Variants in PXN observed in about 807,000 individuals in gnomAD.
The protein encoded by PXN is paxillin, also known as testicular tissue protein Li 134.
Under a neutral mutation model 103.6 loss-of-function variants are expected in PXN, and 61 were observed. The observed-to-expected ratio is 0.59, with a 90% CI of 0.48 to 0.73. PXN has a LOEUF of 0.73. PXN is among the 30% of genes least tolerant of loss of function. The pLI, the probability that PXN is intolerant of heterozygous loss-of-function variation, is 0.00. For missense variants in PXN, 1,274 were observed against 1,460.3 expected (o/e 0.87, Z 2.08); for synonymous variants, 562 against 607.8 (o/e 0.92, Z 1.11).
At chr12:120,262,509 C>T (rs575791532) in intron 1 of PXN, among the ~76,000 whole-genome samples, 77 of 152,322 alleles carry the variant, frequency 5.1e-4, no homozygotes, top group African/African-American at 1.8e-3. Context: ...AATCCCAGCA[C>T]TACCACTAAA....
At chr12:120,226,273 A>G in intron 1 of PXN, 1 of 1,288,932 alleles carries the variant, frequency 7.8e-7, no homozygotes, top group Non-Finnish European at 1.0e-6. Context: ...TCCCCAGAGC[A>G]GGCAACGAAT....
In PXN at chr12:120,229,026, C is replaced by A. The variant is rs1258678219; in HGVS notation, c.14-4649G>T. On this transcript the variant is annotated intron_variant, in intron 1 of 14. Coordinates refer to ENST00000637617, the MANE Select transcript of PXN (RefSeq NM_001385981.1). This position sits in a 1 kb window ranked among gnomAD's most constrained non-coding sequence, Gnocchi z 4.0. ...AGGGTTAAGGTACAGACACCCTCAGCCCACTGCTCCGAGGAGGAGGGGACC... is the reference window on the plus strand; with the variant it reads ...AGGGTTAAGGTACAGACACCCTCAGACCACTGCTCCGAGGAGGAGGGGACC... 6.6e-6 allele frequency among the ~76,000 whole-genome samples: 1 copy of A among 152,126 alleles called. No individual in the cohort carries two copies. The highest frequency in any genetic ancestry group is 1.5e-5 in the Non-Finnish European group (1 of 68,000).
chr12:120,241,792 A>C (rs1034697403), intron 1 of PXN, among the ~76,000 whole-genome samples: 1 of 152,230 alleles, frequency 6.6e-6, no homozygotes, highest in African/African-American at 2.4e-5. Flanking sequence ...CTGGACTTAC[A>C]AGGGCAAGCC....
At position 120,220,536 on chromosome 12, in the gene PXN, C is replaced by T. The variant is rs1884805805; in HGVS notation, c.832-445G>A. On this transcript the variant is annotated intron_variant, in intron 6 of 14. Transcript: ENST00000637617. The surrounding 1 kb of genome is among the most constrained non-coding windows in gnomAD (Gnocchi z 6.1). ...CACCCCAAGTCCTCTACGTCTTCCA[C>T]ATCCTTGCTCCAGGGATCTGACTAA... 6.6e-6 allele frequency among the ~76,000 whole-genome samples: 1 copy of T among 152,228 alleles called. No homozygotes were observed. The highest frequency in any genetic ancestry group is 2.4e-5 in the African/African-American group (1 of 41,456).
intron 1 of PXN, among the ~76,000 whole-genome samples, chr12:120,258,364 CCTGT>C (rs1323847944): frequency 6.6e-6 from 1 of 152,086 alleles, no homozygotes; most frequent in Non-Finnish European, 1.5e-5. Context: ...TGTCTCTGGG[CCTGT>C]CTTTTTTCTG....
chr12:120,227,016 C>T (rs1158732972), intron 1 of PXN: 2 of 986,640 alleles, frequency 2.0e-6, no homozygotes, highest in Non-Finnish European at 2.4e-6. Context: ...ATAAGGTCTT[C>T]CTCCAAGGAG....
At position 120,214,800 on chromosome 12, in the gene PXN, G is replaced by A. The variant is rs1339904894; in HGVS notation, c.2748+25C>T. On this transcript the variant is annotated intron_variant, in intron 12 of 14. Transcript: ENST00000637617. The surrounding 1 kb of genome is among the most constrained non-coding windows in gnomAD (Gnocchi z 5.0). ...GTGAAGCTGGAATGAGCGGAAGCGG[G>A]CGCGGTGCCGGATGAGGAACTCACA... 6.2e-6 allele frequency: 10 copies of A among 1,612,658 alleles called. No homozygotes were observed. The highest frequency in any genetic ancestry group is 8.5e-6 in the Non-Finnish European group (10 of 1,179,006).
chr12:120,251,878 C>G (rs1205350608), intron 1 of PXN, among the ~76,000 whole-genome samples: 1 of 152,100 alleles, frequency 6.6e-6, no homozygotes, highest in East Asian at 1.9e-4. Context: ...GCCAAACCCT[C>G]CACCCCAGGA....
At chr12:120,240,754 T>G (rs1270825957) in intron 1 of PXN, among the ~76,000 whole-genome samples, 9 of 152,122 alleles carry the variant, frequency 5.9e-5, no homozygotes, top group Admixed American at 5.2e-4. Flanking sequence ...CCTTCTGAAG[T>G]CTCTGCCTCC....
chr12:120,226,794 C>CTTCTCAGGGCCTG, intron 1 of PXN: 1 of 1,029,238 alleles, frequency 9.7e-7, no homozygotes, highest in Non-Finnish European at 1.2e-6. Context: ...AATCGCTTAG[C>CTTCTCAGGGCCTG]TTCTCAGGGC....
At chr12:120,260,893 G>A (rs1410773574) in intron 1 of PXN, among the ~76,000 whole-genome samples, 1 of 152,142 alleles carries the variant, frequency 6.6e-6, no homozygotes, top group Non-Finnish European at 1.5e-5. Context: ...CTTGGGCCTG[G>A]GAGGCAGAGG....
rs1446354012 is a variant in PXN at position 120,265,692 on chromosome 12, T to A, written c.-63A>T. The A allele has an allele frequency of 6.9e-5, 93 of 1,352,354 alleles. No homozygotes were observed. Among genetic ancestry groups the A allele is most frequent in the Non-Finnish European group, 8.7e-5 (91 of 1,048,086 alleles). The allele number at this position is 1,352,354 out of a possible 1,614,324, so 83.8% of individuals were successfully genotyped here. A position where few individuals can be genotyped will look rare whatever the true frequency, so the allele number is the denominator to read the frequency against. On this transcript the variant is annotated 5_prime_UTR_variant, in exon 1 of 15. Transcript: ENST00000637617. This position sits in a 1 kb window ranked among gnomAD's most constrained non-coding sequence, Gnocchi z 5.7. ...TGCCCGTCCCGGGGCCGCTCGTCTA[T>A]GCCCCGCAACTTTTCCGCCGCGAGC...
At chr12:120,218,187 G>A (rs1348049238) in intron 7 of PXN, among the ~76,000 whole-genome samples, 3 of 151,770 alleles carry the variant, frequency 2.0e-5, no homozygotes, top group Non-Finnish European at 4.4e-5. Context: ...TGGGACTATA[G>A]GCATGTGCAA....
chr12:120,245,803 A>T (rs932366059), intron 1 of PXN, among the ~76,000 whole-genome samples: 3 of 151,910 alleles, frequency 2.0e-5, no homozygotes, highest in African/African-American at 7.2e-5. Flanking sequence ...AAAAAAAAAA[A>T]AAAAGAATGC....
rs1450219295 is a variant in PXN at position 120,214,278 on chromosome 12, C to T, written c.2749-61G>A. On this transcript the variant is annotated intron_variant, in intron 12 of 14. Coordinates refer to ENST00000637617, the MANE Select transcript of PXN (RefSeq NM_001385981.1). This position sits in a 1 kb window ranked among gnomAD's most constrained non-coding sequence, Gnocchi z 5.0. ...TGGGCAGATCTCACAACTGAGACGC[C>T]CAGCAAGGCCGTCCTTCCACCCGCA... 5.6e-6 allele frequency: 8 copies of T among 1,426,246 alleles called. No individual in the cohort carries two copies. Among genetic ancestry groups the T allele is most frequent in the Non-Finnish European group, 7.7e-6 (8 of 1,035,294 alleles). 88.3% of individuals were successfully genotyped at this position (1,426,246 alleles called of 1,614,324 possible). A position where few individuals can be genotyped will look rare whatever the true frequency, so the allele number is the denominator to read the frequency against.
intron 1 of PXN, chr12:120,226,112 C>A: frequency 8.9e-7 from 1 of 1,123,962 alleles, no homozygotes; most frequent in East Asian, 7.2e-5. Flanking sequence ...GAAAAGGAAC[C>A]AGTGTCCAGG....
intron 1 of PXN, among the ~76,000 whole-genome samples, chr12:120,246,726 G>C (rs932045523): frequency 1.3e-5 from 2 of 149,392 alleles, no homozygotes; most frequent in Admixed American, 6.7e-5. Flanking sequence ...ATGGTGGTGC[G>C]TGCCTGTAGT....
At chr12:120,259,766 C>T (rs776459285) in intron 1 of PXN, among the ~76,000 whole-genome samples, 1 of 152,188 alleles carries the variant, frequency 6.6e-6, no homozygotes, top group Non-Finnish European at 1.5e-5. Flanking sequence ...GAGTGGACCC[C>T]GTGAGGCTGT....
intron 1 of PXN, among the ~76,000 whole-genome samples, chr12:120,246,898 T>G (rs940720513): frequency 6.7e-6 from 1 of 150,328 alleles, no homozygotes; most frequent in Non-Finnish European, 1.5e-5. Flanking sequence ...CATGTTAGCA[T>G]ATGCCTGTAA....
Sources: allele counts gnomAD v4.1 joint callset (sites outside exome capture counted in the v4.1 genomes callset), GRCh38; gene constraint gnomAD v4.1.1; non-coding constraint Gnocchi (gnomAD v3.1); transcripts MANE v1.5; gene names NCBI Gene and HGNC (gene_info 2026-07-23, HGNC 2026-07-21).